KDM7A: variants seen among roughly 807,000 people sequenced by gnomAD.
KDM7A encodes the protein lysine demethylase 7A, also known as lysine-specific demethylase 7A.
A neutral mutation model predicts 114.8 loss-of-function variants in KDM7A; 28 were observed. The observed-to-expected ratio is 0.24, with a 90% confidence interval of 0.18 to 0.33. KDM7A has a LOEUF of 0.33. KDM7A is among the 10% of genes least tolerant of loss of function. The pLI is 1.00. For missense variants in KDM7A, 942 were observed against 1,142.5 expected (o/e 0.82, Z 2.53); for synonymous variants, 423 against 397.8 (o/e 1.06, Z -0.75).
intron 1 of KDM7A, among the ~76,000 whole-genome samples, chr7:140,157,992 AAATAATAATAAT>A (rs141893583): frequency 8.2e-5 from 12 of 146,436 alleles, no homozygotes; most frequent in Admixed American, 1.4e-4. Context: ...ATAAATAAAT[AAATAATAATAAT>A]AATAATAATA....
intron 1 of KDM7A, among the ~76,000 whole-genome samples, chr7:140,145,242 C>T (rs977485419): frequency 6.6e-6 from 1 of 151,918 alleles, no homozygotes; most frequent in East Asian, 1.9e-4. Flanking sequence ...AGGTAAAGAC[C>T]AGAAAAGGAG....
rs1278931528 is a variant in KDM7A at position 140,176,217 on chromosome 7, G to A, written c.194+527C>T. ...GTTTGATAAAGACGGGGAAGGGGGC[G>A]CGACAGGGACCCGCGGCGCGGAGGA... On this transcript the variant is annotated intron_variant, in intron 1 of 19. Coordinates refer to ENST00000397560, the MANE Select transcript of KDM7A (RefSeq NM_030647.2). The surrounding 1 kb of genome is among the most constrained non-coding windows in gnomAD (Gnocchi z 4.4). Among the ~76,000 whole-genome samples, 1 of 151,492 alleles carries A rather than the reference G, an allele frequency of 6.6e-6. No individual in the cohort carries two copies. The highest frequency in any genetic ancestry group is 1.5e-5 in the Non-Finnish European group (1 of 67,792).
At chr7:140,100,068 A>G in intron 12 of KDM7A, 45 bp from the exon 13 acceptor site, 1 of 1,609,650 alleles carries the variant, frequency 6.2e-7, no homozygotes, top group Non-Finnish European at 8.5e-7. Context: ...ACCCTCAGGT[A>G]GCCCTGTTCG....
At chr7:140,136,313 AT>A in intron 2 of KDM7A, among the ~76,000 whole-genome samples, 1 of 152,362 alleles carries the variant, frequency 6.6e-6, no homozygotes, top group East Asian at 1.9e-4. Context: ...TAAGCTGCCA[AT>A]CACTATCATT....
chr7:140,094,035 C>G, intron 18 of KDM7A, 21 bp downstream of exon 18: 1 of 1,370,752 alleles, frequency 7.3e-7, no homozygotes, highest in Non-Finnish European at 1.0e-6. Context: ...CTCCTTTTAA[C>G]GTTTCAAACT....
chr7:140,144,022 T>C (rs1202046547), intron 1 of KDM7A, among the ~76,000 whole-genome samples: 3 of 152,218 alleles, frequency 2.0e-5, no homozygotes, highest in East Asian at 1.9e-4. Context: ...CCTTGGTCCA[T>C]AGTTTCTTAT....
intron 1 of KDM7A, among the ~76,000 whole-genome samples, chr7:140,163,262 G>A (rs1794540335): frequency 6.6e-6 from 1 of 151,678 alleles, no homozygotes; most frequent in African/African-American, 2.4e-5. Flanking sequence ...CCAAAGTGCT[G>A]GGATTACAGG....
At chr7:140,101,551 G>T (rs187051197) in intron 12 of KDM7A, among the ~76,000 whole-genome samples, 1 of 151,690 alleles carries the variant, frequency 6.6e-6, no homozygotes, top group East Asian at 1.9e-4. Context: ...ATTGTTTTGG[G>T]TTTTTTTTAA....
intron 7 of KDM7A, among the ~76,000 whole-genome samples, chr7:140,121,022 C>G (rs999052177): frequency 1.3e-5 from 2 of 152,190 alleles, no homozygotes; most frequent in African/African-American, 4.8e-5. Flanking sequence ...AGAGAACACA[C>G]TGGGATTGAT....
intron 1 of KDM7A, among the ~76,000 whole-genome samples, chr7:140,149,471 G>A (rs574320214): frequency 1.3e-5 from 2 of 152,270 alleles, no homozygotes; most frequent in African/African-American, 4.8e-5. Context: ...TTCTAAAGAA[G>A]GAGGAGGTGC....
At chr7:140,119,645 C>T (rs145642946) in intron 8 of KDM7A, among the ~76,000 whole-genome samples, 5 of 152,214 alleles carry the variant, frequency 3.3e-5, no homozygotes, top group African/African-American at 1.2e-4. Context: ...AAGAATTAAA[C>T]AGGAGCCATC....
At chr7:140,109,062 C>T (rs1012031784) in intron 11 of KDM7A, among the ~76,000 whole-genome samples, 1 of 152,206 alleles carries the variant, frequency 6.6e-6, no homozygotes, top group Admixed American at 6.5e-5. Context: ...GTGTGGGACC[C>T]TCGGAGCCAG....
rs531425251 is a variant in KDM7A, at chr7:140,136,301, A to C, written c.281-2645T>G. 7.2e-5 allele frequency among the ~76,000 whole-genome samples: 11 copies of C among 152,358 alleles called. No individual in the cohort carries two copies. In the East Asian group the frequency reaches 2.1e-3, roughly 29 times the overall value. ...TTACCTACTATAGTGCCTACCATGT[A>C]ATAAGCTGCCAATCACTATCATTTC... is the stretch of plus-strand genomic sequence containing the variant. On this transcript the variant is annotated intron_variant, in intron 2 of 19. Coordinates refer to ENST00000397560, the MANE Select transcript of KDM7A (RefSeq NM_030647.2).
At chr7:140,165,422 G>A (rs918675080) in intron 1 of KDM7A, among the ~76,000 whole-genome samples, 1 of 152,218 alleles carries the variant, frequency 6.6e-6, no homozygotes, top group African/African-American at 2.4e-5. Flanking sequence ...AGTAGCTAAT[G>A]ATAAGCTACA....
chr7:140,115,796 A>G (rs538689235), intron 9 of KDM7A, among the ~76,000 whole-genome samples: 3 of 143,784 alleles, frequency 2.1e-5, no homozygotes, highest in Non-Finnish European at 4.5e-5. Context: ...TCAATAAAAA[A>G]ATAAATTTAA....
intron 1 of KDM7A, among the ~76,000 whole-genome samples, chr7:140,147,746 G>A (rs946045902): frequency 6.6e-6 from 1 of 152,182 alleles, no homozygotes; most frequent in African/African-American, 2.4e-5. Context: ...GGTCAGTTTA[G>A]GTCTAGAGAC....
rs1408296075 is a variant in KDM7A, at chr7:140,085,839, AAAGG to A, written c.*5251_*5254del. On this transcript the variant is annotated 3_prime_UTR_variant, in exon 20 of 20. Coordinates refer to ENST00000397560, the MANE Select transcript of KDM7A (RefSeq NM_030647.2). ...AATAAAAGGTTACTTATGAATCTTA[AAAGG>A]AAGAAATAGTTCTAGGTAAGGAATT... 1 of 152,252 alleles carries A rather than the reference AAAGG, an allele frequency of 6.6e-6. No individual in the cohort carries two copies. Among genetic ancestry groups the A allele is most frequent in the Non-Finnish European group, 1.5e-5 (1 of 68,038 alleles). 9.4% of individuals were successfully genotyped at this position (152,252 alleles called of 1,614,324 possible). A position where few individuals can be genotyped will look rare whatever the true frequency, so the allele number is the denominator to read the frequency against.
rs751418387 is a variant in KDM7A, at chr7:140,133,605, C to A, written c.332G>T (p.Gly111Val). The A allele has an allele frequency of 4.6e-5, 74 of 1,612,848 alleles. No homozygotes were observed. Among genetic ancestry groups the A allele is most frequent in the Non-Finnish European group, 6.1e-5 (72 of 1,179,168 alleles). The change falls in exon 3 of 20, where the codon GGT becomes GTT. Residue 111 changes from glycine (G) to valine (V), a missense_variant. By Grantham distance (109) the Gly-to-Val change is moderately radical. Transcript: ENST00000397560. ...AGTTCCAGCTTGCACTGGTTTGGAA[C>A]CATCATCAATTTCTGTGTAGTCATG... The part of the protein sequence containing the change: ...HRHDYTEIDD[G>V]SKPVQAGTRT...
At chr7:140,131,118 C>T (rs531241399) in intron 3 of KDM7A, among the ~76,000 whole-genome samples, 3 of 152,202 alleles carry the variant, frequency 2.0e-5, no homozygotes, top group East Asian at 1.9e-4. Flanking sequence ...CCACCCACCT[C>T]GGCCTCCCAA....
Sources: gnomAD v4.1 joint callset for allele counts (sites outside exome capture counted in the v4.1 genomes callset) on GRCh38, gnomAD v4.1.1 for gene constraint, Gnocchi (gnomAD v3.1) non-coding constraint, MANE v1.5 for transcripts, NCBI Gene and HGNC (gene_info 2026-07-23, HGNC 2026-07-21) for gene names.